Variants in L3MBTL4 observed in about 807,000 individuals in gnomAD.
L3MBTL4 encodes the protein lethal(3)malignant brain tumor-like protein 4.
L3MBTL4 carries 70 observed loss-of-function variants against 84.5 expected under a neutral mutation model. The ratio of observed to expected loss-of-function variants is 0.83; its 90% CI spans 0.68 to 1.01. The LOEUF (loss-of-function observed/expected upper bound fraction) is 1.01, where lower values mean the gene tolerates loss of function less well. Ranked by LOEUF, L3MBTL4 falls within the 50% of genes least tolerant of loss-of-function variation. L3MBTL4 has a pLI of 0.00. For missense variants in L3MBTL4, 715 were observed against 754.8 expected (o/e 0.95, Z 0.62); for synonymous variants, 274 against 259.8 (o/e 1.05, Z -0.52).
intron 16 of L3MBTL4, among the ~76,000 whole-genome samples, chr18:5,985,396 C>T (rs943755311): frequency 4.6e-5 from 7 of 152,148 alleles, no homozygotes; most frequent in African/African-American, 1.7e-4. Context: ...TCCTCCTTCC[C>T]TTTGTCTGAC....
intron 11 of L3MBTL4, among the ~76,000 whole-genome samples, chr18:6,214,300 C>T (rs1172575991): frequency 6.6e-6 from 1 of 152,096 alleles, no homozygotes; most frequent in East Asian, 1.9e-4. Flanking sequence ...GAGTCTATAA[C>T]CACAGACACA....
At chr18:6,307,457 A>C (rs995891590) in intron 3 of L3MBTL4, among the ~76,000 whole-genome samples, 1 of 150,102 alleles carries the variant, frequency 6.7e-6, no homozygotes, top group African/African-American at 2.5e-5. Context: ...AAAAAAAGTT[A>C]TATTCTCTCC....
intron 10 of L3MBTL4, among the ~76,000 whole-genome samples, chr18:6,232,148 G>GT (rs959838341): frequency 3.3e-5 from 5 of 152,006 alleles, no homozygotes; most frequent in African/African-American, 4.8e-5. Context: ...ATAGCATGTG[G>GT]TTTTTTCTCT....
chr18:6,169,133 C>T (rs931251387), intron 13 of L3MBTL4, among the ~76,000 whole-genome samples: 34 of 152,280 alleles, frequency 2.2e-4, no homozygotes, highest in Non-Finnish European at 4.3e-4. Flanking sequence ...AATGAGATAC[C>T]ATCTCACACC....
intron 5 of L3MBTL4, among the ~76,000 whole-genome samples, chr18:6,248,549 G>A (rs1487919833): frequency 6.6e-6 from 1 of 152,108 alleles, no homozygotes; most frequent in Admixed American, 6.5e-5. Context: ...TCTATCCACC[G>A]CATTCCCTCA....
intron 16 of L3MBTL4, among the ~76,000 whole-genome samples, chr18:6,007,469 A>G (rs2054542088): frequency 6.6e-6 from 1 of 152,204 alleles, no homozygotes; most frequent in Non-Finnish European, 1.5e-5. Context: ...AACATGTTTT[A>G]TTGGTACTCA....
chr18:5,967,746 C>T (rs987215503), intron 17 of L3MBTL4, among the ~76,000 whole-genome samples: 4 of 152,226 alleles, frequency 2.6e-5, no homozygotes, highest in Non-Finnish European at 2.9e-5. Flanking sequence ...CCCCAGGCTG[C>T]TGCTGGCAGT....
chr18:6,387,576 G>A (rs373920674), intron 1 of L3MBTL4, among the ~76,000 whole-genome samples: 1 of 152,124 alleles, frequency 6.6e-6, no homozygotes, highest in Non-Finnish European at 1.5e-5. Flanking sequence ...ACATCTCTGG[G>A]CCCTTCAGCT....
chr18:6,370,916 C>T (rs1484470306), intron 1 of L3MBTL4, among the ~76,000 whole-genome samples: 1 of 152,228 alleles, frequency 6.6e-6, no homozygotes, highest in Non-Finnish European at 1.5e-5. Flanking sequence ...TATCTTTCCT[C>T]ACTTATCAAA....
At chr18:6,017,878 T>C (rs1371704529) in intron 16 of L3MBTL4, 2 of 152,144 alleles carry the variant, frequency 1.3e-5, no homozygotes, top group Non-Finnish European at 2.9e-5. Flanking sequence ...TGGGGAAGGT[T>C]GTGCAGAGAA....
At chr18:6,006,293 G>A (rs553786133) in intron 16 of L3MBTL4, among the ~76,000 whole-genome samples, 2 of 152,242 alleles carry the variant, frequency 1.3e-5, no homozygotes, top group Admixed American at 6.5e-5. Flanking sequence ...CATGAGTTCC[G>A]ACAATGGAGA....
chr18:6,360,982 C>T (rs2053666176), intron 1 of L3MBTL4, among the ~76,000 whole-genome samples: 1 of 150,144 alleles, frequency 6.7e-6, no homozygotes, highest in African/African-American at 2.5e-5. Flanking sequence ...TGTGCCACTG[C>T]CCTCCAGCCT....
chr18:6,327,054 G>C (rs903630660), intron 1 of L3MBTL4, among the ~76,000 whole-genome samples: 1 of 152,162 alleles, frequency 6.6e-6, no homozygotes, highest in Non-Finnish European at 1.5e-5. Flanking sequence ...AGAAAGCAGG[G>C]AAATGCGTAT....
At chr18:6,216,773 A>T (rs2046344913) in intron 10 of L3MBTL4, among the ~76,000 whole-genome samples, 1 of 152,216 alleles carries the variant, frequency 6.6e-6, no homozygotes, top group South Asian at 2.1e-4. Flanking sequence ...TCTTGATTTA[A>T]TCCTTAAATA....
intron 14 of L3MBTL4, among the ~76,000 whole-genome samples, chr18:6,107,288 G>C (rs186909714): frequency 6.6e-6 from 1 of 152,174 alleles, no homozygotes; most frequent in Non-Finnish European, 1.5e-5. Flanking sequence ...TGGGCTGAGG[G>C]GTGGGCCTGG....
At chr18:5,961,793 G>A (rs565838625) in intron 17 of L3MBTL4, among the ~76,000 whole-genome samples, 1 of 152,312 alleles carries the variant, frequency 6.6e-6, no homozygotes, top group Non-Finnish European at 1.5e-5. Context: ...CTTGTTCTAG[G>A]TGAGAAGGAA....
intron 16 of L3MBTL4, among the ~76,000 whole-genome samples, chr18:5,974,332 A>C (rs1166767800): frequency 1.3e-5 from 2 of 152,196 alleles, no homozygotes; most frequent in Non-Finnish European, 2.9e-5. Context: ...GGACCACAGC[A>C]CTGGAAGACT....
At chr18:6,055,234 T>C (rs920022537) in intron 16 of L3MBTL4, among the ~76,000 whole-genome samples, 1 of 152,264 alleles carries the variant, frequency 6.6e-6, no homozygotes, top group Non-Finnish European at 1.5e-5. Flanking sequence ...TTTGGCACAA[T>C]GAAGCCCCCC....
rs184148447 is a variant in L3MBTL4 at position 6,413,062 on chromosome 18, G to C, written c.-91+1739C>G. Among the ~76,000 whole-genome samples, 40 of 152,234 alleles carry C rather than the reference G, an allele frequency of 2.6e-4. No individual in the cohort carries two copies. In the East Asian group the frequency reaches 4.6e-3, roughly 18 times the overall value. Reference sequence around the variant, plus strand: ...ATGGTACCACTGCACTTCAGCCTGGGTGACAGAGTGAGACCCTATCTCTAA... The same window carrying C: ...ATGGTACCACTGCACTTCAGCCTGGCTGACAGAGTGAGACCCTATCTCTAA... On this transcript the variant is annotated intron_variant, in intron 1 of 18. Transcript: ENST00000317931.
Sources: allele counts gnomAD v4.1 joint callset (sites outside exome capture counted in the v4.1 genomes callset), GRCh38; gene constraint gnomAD v4.1.1; transcripts MANE v1.5; gene names NCBI Gene and HGNC (gene_info 2026-07-23, HGNC 2026-07-21).